MTSS1: variants seen among roughly 807,000 people sequenced by gnomAD.
The protein encoded by MTSS1 is protein MTSS 1.
Under a neutral mutation model 79.0 loss-of-function variants are expected in MTSS1, and 18 were observed. The ratio of observed to expected loss-of-function variants is 0.23; its 90% CI spans 0.16 to 0.34. The LOEUF (loss-of-function observed/expected upper bound fraction) is 0.34. Among genes scored for constraint, MTSS1 ranks in the 10% least tolerant of loss-of-function variants. The probability of loss-of-function intolerance (pLI) is 1.00; values close to 1 mark genes in which losing one functional copy is unlikely to be tolerated. For synonymous variants in MTSS1, 341 were observed against 368.6 expected, an observed-to-expected ratio of 0.93 and a Z score of 0.86; for missense variants, 815 against 986.2, an observed-to-expected ratio of 0.83 and a Z score of 2.33.
chr8:124,640,304 A>G (rs1817786653), intron 3 of MTSS1, among the ~76,000 whole-genome samples: 1 of 152,222 alleles, frequency 6.6e-6, no homozygotes, highest in Non-Finnish European at 1.5e-5. Context: ...AAGTCGGGGT[A>G]GGAAAGGACT....
chr8:124,623,050 G>A (rs2133601308), intron 3 of MTSS1, among the ~76,000 whole-genome samples: 1 of 152,302 alleles, frequency 6.6e-6, no homozygotes, highest in African/African-American at 2.4e-5. Context: ...TTCCAGGAGG[G>A]CAGGTCACTG....
chr8:124,598,132 T>A (rs1411523239), intron 3 of MTSS1, among the ~76,000 whole-genome samples: 1 of 151,966 alleles, frequency 6.6e-6, no homozygotes, highest in Non-Finnish European at 1.5e-5. Flanking sequence ...ACAAATAAAT[T>A]AATAAATAAA....
At chr8:124,568,173 C>T (rs1282902003) in intron 7 of MTSS1, 10 of 695,606 alleles carry the variant, frequency 1.4e-5, no homozygotes, top group East Asian at 1.1e-4. Context: ...GACAAAGTAA[C>T]GGGGAACAAG....
intron 3 of MTSS1, among the ~76,000 whole-genome samples, chr8:124,670,945 T>C (rs1824058796): frequency 6.6e-6 from 1 of 152,166 alleles, no homozygotes; most frequent in South Asian, 2.1e-4. Context: ...AGCTACCGCA[T>C]TAAATATAAG....
chr8:124,563,046 G>C, intron 9 of MTSS1, 54 bp from the exon 10 acceptor site: 1 of 1,473,434 alleles, frequency 6.8e-7, no homozygotes, highest in East Asian at 2.4e-5. Flanking sequence ...AGAAAGGGGA[G>C]CAGTGGTAAG....
At chr8:124,613,823 T>C (rs1836324273) in intron 3 of MTSS1, among the ~76,000 whole-genome samples, 1 of 152,220 alleles carries the variant, frequency 6.6e-6, no homozygotes, top group Non-Finnish European at 1.5e-5. Context: ...GTTTTCCCTG[T>C]TGGTAAACTT....
intron 7 of MTSS1, chr8:124,567,766 C>G: frequency 6.5e-7 from 1 of 1,527,806 alleles, no homozygotes; most frequent in Non-Finnish European, 8.8e-7. Flanking sequence ...TGGAAAAGTT[C>G]TGTGCTCAGG....
intron 3 of MTSS1, among the ~76,000 whole-genome samples, chr8:124,698,855 C>CG: frequency 6.6e-6 from 1 of 152,124 alleles, no homozygotes; most frequent in East Asian, 1.9e-4. Flanking sequence ...GTCAGGCATA[C>CG]GGGGGTATTC....
intron 3 of MTSS1, among the ~76,000 whole-genome samples, chr8:124,602,194 T>TATATATATATATATACACACACAC (rs1554665924): frequency 2.1e-5 from 3 of 141,828 alleles, no homozygotes; most frequent in Admixed American, 1.4e-4. Flanking sequence ...TATACATATA[T>TATATATATATATATACACACACAC]ATATATATAT....
At chr8:124,601,931 G>A (rs59780127) in intron 3 of MTSS1, among the ~76,000 whole-genome samples, 5,704 of 152,078 alleles carry the variant, frequency 0.038, 361 homozygotes, top group African/African-American at 0.13. Flanking sequence ...AAGTAAGAGT[G>A]TTTCCAAATG....
rs1442495460 is a variant in MTSS1 at position 124,581,341 on chromosome 8, A to G, written c.460+3746T>C. 2.6e-5 allele frequency among the ~76,000 whole-genome samples: 4 copies of G among 152,230 alleles called. No individual in the cohort carries two copies. In the East Asian group the frequency reaches 7.7e-4, roughly 29 times the overall value. On this transcript the variant is annotated intron_variant, in intron 6 of 13. Coordinates refer to ENST00000518547, the MANE Select transcript of MTSS1 (RefSeq NM_014751.6). Reference sequence around the variant, plus strand: ...TCTTAGATTTAATGATGTCATGGTAATAAGTGGAACAGTGACCATAATAAG... The same window carrying G: ...TCTTAGATTTAATGATGTCATGGTAGTAAGTGGAACAGTGACCATAATAAG...
chr8:124,611,049 A>T lies in MTSS1; in HGVS notation c.209-19814T>A, dbSNP rs72714746. On this transcript the variant is annotated intron_variant, in intron 3 of 13. Coordinates refer to ENST00000518547, the MANE Select transcript of MTSS1 (RefSeq NM_014751.6). ...CCACAGCCAGGTGCCTTGTATCCACATGCTGTAGAAACAGTGCACGTGCCT... is the reference window on the plus strand; with the variant it reads ...CCACAGCCAGGTGCCTTGTATCCACTTGCTGTAGAAACAGTGCACGTGCCT... Among the ~76,000 whole-genome samples, 944 of 150,226 alleles carry T rather than the reference A, an allele frequency of 6.3e-3. 9 individuals are homozygous for T. The highest frequency in any genetic ancestry group is 0.011 in the South Asian group (53 of 4,766).
intron 3 of MTSS1, among the ~76,000 whole-genome samples, chr8:124,664,320 G>A (rs1022335517): frequency 4.3e-4 from 66 of 152,168 alleles, no homozygotes; most frequent in African/African-American, 1.5e-3. Context: ...TCCTTCCAGC[G>A]AGGCCCGTCT....
intron 3 of MTSS1, among the ~76,000 whole-genome samples, chr8:124,614,756 TA>T (rs1342312997): frequency 6.6e-6 from 1 of 152,222 alleles, no homozygotes; most frequent in Non-Finnish European, 1.5e-5. Flanking sequence ...ACATGGATTT[TA>T]GTGACAAGGG....
At chr8:124,565,594 A>G in intron 9 of MTSS1, 68 bp downstream of exon 9, 1 of 1,352,494 alleles carries the variant, frequency 7.4e-7, no homozygotes, top group Non-Finnish European at 1.1e-6. Flanking sequence ...GACTGGCTCC[A>G]TTGCTCACAT....
chr8:124,690,212 G>A (rs760340939), intron 3 of MTSS1, among the ~76,000 whole-genome samples: 3 of 152,186 alleles, frequency 2.0e-5, no homozygotes, highest in Non-Finnish European at 4.4e-5. Context: ...GAAGGCTGCC[G>A]AGGTTAGACA....
In MTSS1 at chr8:124,611,116, C is replaced by CCT. The variant is rs1554671415; in HGVS notation, c.209-19882_209-19881insAG. Among the ~76,000 whole-genome samples, 290 of 148,802 alleles carry CCT rather than the reference C, an allele frequency of 1.9e-3. 12 individuals carry two copies. The highest frequency in any genetic ancestry group is 7.0e-3 in the African/African-American group (283 of 40,300). ...AAACCCACCAGACAGACCCCCCCCCCCCAGCATGTGACTCAACAGTCACCT... is the reference window on the plus strand; with the variant it reads ...AAACCCACCAGACAGACCCCCCCCCCCTCCAGCATGTGACTCAACAGTCACCT... On this transcript the variant is annotated intron_variant, in intron 3 of 13. Transcript: ENST00000518547.
chr8:124,554,305 A>T (rs1199176198), intron 13 of MTSS1, among the ~76,000 whole-genome samples: 2 of 152,324 alleles, frequency 1.3e-5, no homozygotes, highest in East Asian at 3.9e-4. Flanking sequence ...TTTGGGCTGG[A>T]TAGTTCTTTG....
intron 3 of MTSS1, among the ~76,000 whole-genome samples, chr8:124,666,406 T>C (rs1459963793): frequency 6.6e-6 from 1 of 152,138 alleles, no homozygotes; most frequent in East Asian, 1.9e-4. Context: ...AGGGAAAAAT[T>C]AACTCTGACA....
Sources: allele counts gnomAD v4.1 joint callset (sites outside exome capture counted in the v4.1 genomes callset), GRCh38; gene constraint gnomAD v4.1.1; transcripts MANE v1.5; gene names NCBI Gene and HGNC (gene_info 2026-07-23, HGNC 2026-07-21).